Variants in POP1 observed in about 807,000 individuals in gnomAD.
The protein encoded by POP1 is POP1 ribonuclease P/MRP subunit.
Under a neutral mutation model 102.2 loss-of-function variants are expected in POP1, and 75 were observed. The ratio of observed to expected loss-of-function variants is 0.73; its 90% CI spans 0.61 to 0.89. The LOEUF is 0.89. Ranked by LOEUF, POP1 falls within the 40% of genes least tolerant of loss-of-function variation. POP1 has a pLI of 0.00. For missense variants in POP1, 1,116 were observed against 1,267.4 expected (o/e 0.88, Z 1.81); for synonymous variants, 436 against 464.1 (o/e 0.94, Z 0.78).
intron 2 of POP1, among the ~76,000 whole-genome samples, chr8:98,124,089 G>T (rs540729953): frequency 6.6e-6 from 1 of 152,310 alleles, no homozygotes; most frequent in South Asian, 2.1e-4. Flanking sequence ...GAAATGGGCA[G>T]AGGATGGAGG....
intron 15 of POP1, among the ~76,000 whole-genome samples, chr8:98,157,234 T>C (rs1257345554): frequency 6.6e-6 from 1 of 152,226 alleles, no homozygotes; most frequent in African/African-American, 2.4e-5. Flanking sequence ...CTTTTCCGTA[T>C]AGTAGCCTCA....
rs184577513 is a variant in POP1 at position 98,151,088 on chromosome 8, G to T, written c.2057+449G>T. On this transcript the variant is annotated intron_variant, in intron 14 of 15. Transcript: ENST00000401707. ...CCACCCAGAGAGATAAGTACTGTTT[G>T]TTTGTTTGTTTTTTGAGATGGTGGT... is the stretch of plus-strand genomic sequence containing the variant. 6.1e-4 allele frequency among the ~76,000 whole-genome samples: 84 copies of T among 137,844 alleles called. 1 individual carries two copies. Among genetic ancestry groups the T allele is most frequent in the Middle Eastern group, 4.9e-3 (1 of 206 alleles). 90.4% of individuals were successfully genotyped at this position (137,844 alleles called of 152,430 possible). A position where few individuals can be genotyped will look rare whatever the true frequency, so the allele number is the denominator to read the frequency against.
chr8:98,140,081 G>A lies in POP1; in HGVS notation c.1366G>A (p.Gly456Arg), dbSNP rs202137405. 2.4e-5 allele frequency: 38 copies of A among 1,612,904 alleles called. No homozygotes were observed. The African/African-American group carries it at 4.5e-4, about 19-fold the overall frequency. The stretch of plus-strand genomic sequence containing the variant: ...AATAGTAGTTGTTATTTTTCAGGTG[G>A]GAGAGGACACAGAGGAGACACCTCA... ...AIKAASVHTV[G>R]EDTEETPHRW... is the part of the protein sequence containing the mutation. Residue 456 changes from glycine (G) to arginine (R), a missense_variant, in exon 10 of 16, where the codon GGA becomes AGA. Physicochemically the swap from Gly to Arg is moderately radical, Grantham distance 125 (BLOSUM62 -2). Coordinates refer to ENST00000401707, the MANE Select transcript of POP1 (RefSeq NM_001145860.2).
chr8:98,134,028 TA>T lies in POP1; in HGVS notation c.816del (p.Ile272MetfsTer5), dbSNP rs1383235943. On this transcript the variant is annotated frameshift_variant, in exon 6 of 16. Transcript: ENST00000401707. LOFTEE classifies it high-confidence loss of function. ...ILKALSGMCNIDTGLTFAAVH... is the reference protein window; with the variant it reads ...ILKALSGMCNXDTGLTFAAVH... ...AAGGCGCTTTCTGGAATGTGTAACA[TA>T]GACACAGGTAAACTTGTTTTAAAGC... 7 of 1,605,642 alleles carry T rather than the reference TA, an allele frequency of 4.4e-6. No individual in the cohort carries two copies. The highest frequency in any genetic ancestry group is 6.0e-6 in the Non-Finnish European group (7 of 1,172,392).
rs1816664193 is a variant in POP1, at chr8:98,140,107, C to T, written c.1392C>T (p.His464=). ...GAGAGGACACAGAGGAGACACCTCA[C>T]CGCTGGTGGATAGAAACCTGTAAGA... ...TVGEDTEETP[H]RWWIETCKKP... Residue 464 remains histidine (H), a synonymous_variant, in exon 10 of 16, where the codon CAC becomes CAT. Coordinates refer to ENST00000401707, the MANE Select transcript of POP1 (RefSeq NM_001145860.2). 1.2e-6 allele frequency: 2 copies of T among 1,614,088 alleles called. No homozygotes were observed. The highest frequency in any genetic ancestry group is 1.7e-6 in the Non-Finnish European group (2 of 1,180,004).
intron 10 of POP1, 77 bp downstream of exon 10, chr8:98,140,266 T>G: frequency 8.9e-7 from 1 of 1,117,414 alleles, no homozygotes; most frequent in East Asian, 2.4e-5. Context: ...GCCTCCAACA[T>G]GTAGTATTGC....
chr8:98,139,549 T>C (rs1816647098), intron 9 of POP1, among the ~76,000 whole-genome samples: 1 of 151,982 alleles, frequency 6.6e-6, no homozygotes, highest in African/African-American at 2.4e-5. Flanking sequence ...AGTGAGACCA[T>C]ATATCTACAA....
At position 98,158,537 on chromosome 8, in the gene POP1, G is replaced by T; in HGVS notation, c.*266G>T. 2.6e-6 allele frequency: 1 copy of T among 389,078 alleles called. No homozygotes were observed. The highest frequency in any genetic ancestry group is 4.6e-6 in the Non-Finnish European group (1 of 215,308). The allele number at this position is 389,078 out of a possible 1,614,324, so 24.1% of individuals were successfully genotyped here. On this transcript the variant is annotated 3_prime_UTR_variant, in exon 16 of 16. Transcript: ENST00000401707. ...ATGATCTCTTGGTCTGTGTAGTTGTGGCTGAAAATAATGAGAAGCTCTACG... is the reference window on the plus strand; with the variant it reads ...ATGATCTCTTGGTCTGTGTAGTTGTTGCTGAAAATAATGAGAAGCTCTACG...
intron 5 of POP1, among the ~76,000 whole-genome samples, chr8:98,130,806 G>A (rs1816360118): frequency 6.6e-6 from 1 of 152,200 alleles, no homozygotes; most frequent in Admixed American, 6.5e-5. Flanking sequence ...TGCTGGTCTA[G>A]GTGTTTATGG....
At chr8:98,121,619 G>C (rs1373550471) in intron 1 of POP1, among the ~76,000 whole-genome samples, 2 of 146,512 alleles carry the variant, frequency 1.4e-5, no homozygotes, top group Admixed American at 7.1e-5. Flanking sequence ...CTGGGTTCAA[G>C]CGATTCTCCT....
chr8:98,146,867 CTAAGAA>C (rs1816857525), intron 12 of POP1, among the ~76,000 whole-genome samples, 184 bp downstream of exon 12: 1 of 152,094 alleles, frequency 6.6e-6, no homozygotes, highest in African/African-American at 2.4e-5. Flanking sequence ...TATGGATAAT[CTAAGAA>C]TAAGGATAGG....
At chr8:98,152,534 G>A (rs1186813401) in intron 14 of POP1, among the ~76,000 whole-genome samples, 3 of 152,200 alleles carry the variant, frequency 2.0e-5, no homozygotes, top group Non-Finnish European at 2.9e-5. Flanking sequence ...TGTTCCAATC[G>A]TGCTTTATAT....
rs890543975 is a variant in POP1 at position 98,141,872 on chromosome 8, A to T, written c.1594+984A>T. ...CATGAACCACCACGCCTGGCCCAGA[A>T]TTTTTTTTTTAATGTAGTTAGATAG... On this transcript the variant is annotated intron_variant, in intron 11 of 15. Transcript: ENST00000401707. Among the ~76,000 whole-genome samples the T allele has an allele frequency of 2.0e-5, 3 of 149,126 alleles. No individual in the cohort carries two copies. The South Asian group carries it at 6.4e-4, about 32-fold the overall frequency.
At position 98,159,500 on chromosome 8, in the gene POP1, C is replaced by G. The variant is rs1050387219; in HGVS notation, c.*1229C>G. 8 of 152,134 alleles carry G rather than the reference C, an allele frequency of 5.3e-5. No homozygotes were observed. Among genetic ancestry groups the G allele is most frequent in the African/African-American group, 1.9e-4 (8 of 41,430 alleles). The allele number at this position is 152,134 out of a possible 1,614,324, so 9.4% of individuals were successfully genotyped here. ...TTTCCACATATGGCTTGCTCATAGC[C>G]TTGGTCCTTACCTTTCCTGCCATAA... On this transcript the variant is annotated 3_prime_UTR_variant, in exon 16 of 16. Coordinates refer to ENST00000401707, the MANE Select transcript of POP1 (RefSeq NM_001145860.2).
intron 9 of POP1, among the ~76,000 whole-genome samples, chr8:98,138,829 G>A (rs1187563819): frequency 6.6e-6 from 1 of 150,784 alleles, no homozygotes; most frequent in East Asian, 1.9e-4. Context: ...TGAGTAAATG[G>A]TACCTTTGTT....
At chr8:98,135,753 C>T (rs769712310) in intron 7 of POP1, among the ~76,000 whole-genome samples, 21 of 152,004 alleles carry the variant, frequency 1.4e-4, no homozygotes, top group Non-Finnish European at 2.5e-4. Flanking sequence ...GACTTGAGTG[C>T]AGTGGTGCAG....
chr8:98,155,469 GAC>G (rs1194127199), intron 14 of POP1, among the ~76,000 whole-genome samples: 1 of 151,808 alleles, frequency 6.6e-6, no homozygotes, highest in African/African-American at 2.4e-5. Context: ...TTTTAGTAGA[GAC>G]AGGGTTTCAC....
chr8:98,140,898 C>T lies in POP1; in HGVS notation c.1594+10C>T, dbSNP rs28575522. ...CCAGAAAAATGCCAAGGTAAAGTTC[C>T]AAAAACACCCCAGGTTTTCCTTACT... On this transcript the variant is annotated intron_variant, in intron 11 of 15. Transcript: ENST00000401707. 153,675 of 1,607,934 alleles carry T rather than the reference C, an allele frequency of 0.096. 8,311 individuals carry two copies. Among genetic ancestry groups the T allele is most frequent in the Middle Eastern group, 0.17 (1,022 of 6,046 alleles).
chr8:98,146,652 A>G lies in POP1; in HGVS notation c.1679A>G (p.Lys560Arg). ...HSFIWNQDIC[K>R]SVTENKISDQ... ...TTTATCTGGAACCAAGATATCTGTA[A>G]GAGTGTCACAGAGAATAAAATCTCG... The change falls in exon 12 of 16, where the codon AAG becomes AGG. Residue 560 changes from lysine to arginine, a missense_variant. Lys to Arg is a conservative substitution (Grantham distance 26, BLOSUM62 2). Transcript: ENST00000401707. The G allele has an allele frequency of 6.2e-7, 1 of 1,613,152 alleles. No homozygotes were observed. The highest frequency in any genetic ancestry group is 8.5e-7 in the Non-Finnish European group (1 of 1,179,120).
Sources: gnomAD v4.1 joint callset for allele counts (sites outside exome capture counted in the v4.1 genomes callset) on GRCh38, gnomAD v4.1.1 for gene constraint, MANE v1.5 for transcripts, NCBI Gene and HGNC (gene_info 2026-07-23, HGNC 2026-07-21) for gene names.